ZNF804B: variants seen among roughly 807,000 people sequenced by gnomAD.
ZNF804B encodes the protein zinc finger protein 804B.
ZNF804B carries 80 observed loss-of-function variants against 101.4 expected under a neutral mutation model. The ratio of observed to expected loss-of-function variants is 0.79; its 90% CI spans 0.66 to 0.95. The LOEUF is 0.95. Among genes scored for constraint, ZNF804B ranks in the 40% least tolerant of loss-of-function variants. The pLI is 0.00. For synonymous variants in ZNF804B, 622 were observed against 558.8 expected, an observed-to-expected ratio of 1.11 and a Z score of -1.59; for missense variants, 1,673 against 1,561.9, an observed-to-expected ratio of 1.07 and a Z score of -1.20.
At chr7:89,309,555 T>C (rs1435697500) in intron 2 of ZNF804B, among the ~76,000 whole-genome samples, 1 of 151,092 alleles carries the variant, frequency 6.6e-6, no homozygotes, top group Admixed American at 6.6e-5. Flanking sequence ...ATGTCAGGAG[T>C]TGGAGACTAG....
In ZNF804B at chr7:89,335,933, A is replaced by G. The variant is rs1162747659; in HGVS notation, c.2951A>G (p.Gln984Arg). 1.2e-6 allele frequency: 2 copies of G among 1,613,990 alleles called. No homozygotes were observed. Among genetic ancestry groups the G allele is most frequent in the East Asian group, 4.5e-5 (2 of 44,890 alleles). ...RQALPLSEKI[Q>R]YASESRNDQD... ...GCATTGCCTTTGTCTGAAAAAATACAGTATGCAAGTGAGAGCAGAAATGAT... is the reference window on the plus strand; with the variant it reads ...GCATTGCCTTTGTCTGAAAAAATACGGTATGCAAGTGAGAGCAGAAATGAT... The change falls in exon 4 of 4, where the codon CAG becomes CGG. Residue 984 changes from glutamine (Q) to arginine (R), a missense_variant. Gln to Arg is a conservative substitution (Grantham distance 43). Transcript: ENST00000333190.
chr7:89,137,088 CT>C (rs1202557979), intron 1 of ZNF804B, among the ~76,000 whole-genome samples: 1 of 151,890 alleles, frequency 6.6e-6, no homozygotes, highest in Non-Finnish European at 1.5e-5. Flanking sequence ...TCAGGTATGT[CT>C]TTATCAGCAG....
rs77665831 is a variant in ZNF804B at position 88,851,337 on chromosome 7, A to G, written c.108+91253A>G. On this transcript the variant is annotated intron_variant, in intron 1 of 3. Transcript: ENST00000333190. ...AAAAAGCACACCAAAGCACATTACC[A>G]TCAAATTGCATAAAAGAAGTGATAA... is the stretch of plus-strand genomic sequence containing the variant. Among the ~76,000 whole-genome samples the G allele has an allele frequency of 8.5e-3, 1,298 of 152,202 alleles. 60 individuals are homozygous for G. The East Asian group carries it at 0.093, about 11-fold the overall frequency.
At chr7:88,827,408 G>A (rs562711921) in intron 1 of ZNF804B, among the ~76,000 whole-genome samples, 1 of 150,652 alleles carries the variant, frequency 6.6e-6, no homozygotes, top group African/African-American at 2.4e-5. Context: ...AACTATATAT[G>A]TGTCTTTGTA....
At chr7:89,297,329 G>A (rs542362343) in intron 2 of ZNF804B, among the ~76,000 whole-genome samples, 1 of 152,052 alleles carries the variant, frequency 6.6e-6, no homozygotes, top group Admixed American at 6.6e-5. Flanking sequence ...GAGGCAACTG[G>A]TCTTGCTGTC....
chr7:88,855,665 A>G (rs1224735220), intron 1 of ZNF804B, among the ~76,000 whole-genome samples: 1 of 152,194 alleles, frequency 6.6e-6, no homozygotes, highest in Non-Finnish European at 1.5e-5. Flanking sequence ...TGTTTTGGAC[A>G]TGAAGTCCTT....
chr7:88,765,816 T>C (rs1358256906), intron 1 of ZNF804B, among the ~76,000 whole-genome samples: 1 of 152,162 alleles, frequency 6.6e-6, no homozygotes, highest in Non-Finnish European at 1.5e-5. Context: ...ATATTTGATA[T>C]GTTTTCAAGA....
At chr7:89,120,495 A>G (rs1790385684) in intron 1 of ZNF804B, among the ~76,000 whole-genome samples, 1 of 151,684 alleles carries the variant, frequency 6.6e-6, no homozygotes, top group Non-Finnish European at 1.5e-5. Context: ...GTCTCTACTA[A>G]AAATACAAAA....
chr7:89,240,415 CTCTT>C (rs887752985), intron 2 of ZNF804B, among the ~76,000 whole-genome samples: 1 of 151,398 alleles, frequency 6.6e-6, no homozygotes, highest in Non-Finnish European at 1.5e-5. Context: ...TTTTTTTTCT[CTCTT>C]TCTCTTTTTT....
chr7:89,211,377 C>T (rs1393048364), intron 1 of ZNF804B, among the ~76,000 whole-genome samples: 2 of 152,070 alleles, frequency 1.3e-5, no homozygotes, highest in African/African-American at 4.8e-5. Context: ...GATTAGATCC[C>T]ATTTGTCAAT....
chr7:89,207,786 CACT>C (rs1049171998), intron 1 of ZNF804B, among the ~76,000 whole-genome samples: 4 of 152,156 alleles, frequency 2.6e-5, no homozygotes, highest in African/African-American at 9.7e-5. Context: ...TTCTTTCAGT[CACT>C]ACATTTATTA....
intron 1 of ZNF804B, among the ~76,000 whole-genome samples, chr7:89,151,928 A>G (rs1790883539): frequency 6.6e-6 from 1 of 152,022 alleles, no homozygotes; most frequent in Non-Finnish European, 1.5e-5. Context: ...TCCCTGTTTT[A>G]GTCTTGTATG....
At chr7:89,023,243 GCTGA>G (rs1242933511) in intron 1 of ZNF804B, among the ~76,000 whole-genome samples, 1 of 152,072 alleles carries the variant, frequency 6.6e-6, no homozygotes, top group African/African-American at 2.4e-5. Flanking sequence ...CCTCTATAGT[GCTGA>G]CTTTTTCACC....
intron 1 of ZNF804B, among the ~76,000 whole-genome samples, chr7:89,217,069 T>C (rs1463276705): frequency 1.3e-5 from 2 of 152,210 alleles, no homozygotes; most frequent in Non-Finnish European, 2.9e-5. Flanking sequence ...ACATGTTGTT[T>C]AGTATTGTGT....
intron 1 of ZNF804B, among the ~76,000 whole-genome samples, chr7:89,000,615 A>G (rs1453484320): frequency 2.0e-5 from 3 of 151,748 alleles, no homozygotes; most frequent in Admixed American, 6.6e-5. Context: ...GAAAGTTTGT[A>G]CTCTTTGACC....
intron 2 of ZNF804B, among the ~76,000 whole-genome samples, chr7:89,286,220 G>A (rs1222855737): frequency 6.6e-6 from 1 of 151,944 alleles, no homozygotes; most frequent in East Asian, 1.9e-4. Flanking sequence ...TTTATCATTA[G>A]GACTTTAAGG....
chr7:89,207,640 A>G (rs1237592582), intron 1 of ZNF804B, among the ~76,000 whole-genome samples: 1 of 152,230 alleles, frequency 6.6e-6, no homozygotes, highest in Non-Finnish European at 1.5e-5. Context: ...AGTTTACATT[A>G]AGACTCAGTC....
intron 1 of ZNF804B, among the ~76,000 whole-genome samples, chr7:88,908,505 T>C (rs1009897188): frequency 6.6e-6 from 1 of 151,858 alleles, no homozygotes; most frequent in Non-Finnish European, 1.5e-5. Context: ...GGTTTCAAAC[T>C]GACCAAAAAT....
intron 1 of ZNF804B, among the ~76,000 whole-genome samples, chr7:89,022,292 C>G (rs532018397): frequency 3.3e-4 from 51 of 152,246 alleles, no homozygotes; most frequent in South Asian, 6.2e-4. Flanking sequence ...GGATGAGTGT[C>G]ATGTGCCTCT....
Sources: allele counts gnomAD v4.1 joint callset (sites outside exome capture counted in the v4.1 genomes callset), GRCh38; gene constraint gnomAD v4.1.1; transcripts MANE v1.5; gene names NCBI Gene and HGNC (gene_info 2026-07-23, HGNC 2026-07-21).